The following IL7 variants were observed in gnomAD, a reference collection of about 807,000 sequenced individuals.
IL7 encodes the protein interleukin 7.
Under a neutral mutation model 21.6 loss-of-function variants are expected in IL7, and 3 were observed. The observed-to-expected ratio is 0.14, with a 90% CI of 0.06 to 0.36. IL7 has a LOEUF of 0.36. Ranked by LOEUF, IL7 falls within the 10% of genes least tolerant of loss-of-function variation. The pLI is 1.00. For missense variants in IL7, 175 were observed against 200.2 expected, an observed-to-expected ratio of 0.87 and a Z score of 0.76; for synonymous variants, 62 against 68.1, an observed-to-expected ratio of 0.91 and a Z score of 0.44.
Position 78,733,703 on chromosome 8 carries a change from T to C in IL7, c.*10A>G, listed in dbSNP as rs1366627809. 2.3e-5 allele frequency: 36 copies of C among 1,596,300 alleles called. No individual in the cohort carries two copies. The highest frequency in any genetic ancestry group is 3.1e-5 in the Non-Finnish European group (36 of 1,173,706). On this transcript the variant is annotated 3_prime_UTR_variant, in exon 6 of 6. Transcript: ENST00000263851. Reference sequence around the variant, plus strand: ...AAAGTTCGTGTTTCTATATTGCCACTCCATATTTTTCAGTGTTCTTTAGTG... The same window carrying C: ...AAAGTTCGTGTTTCTATATTGCCACCCCATATTTTTCAGTGTTCTTTAGTG...
At chr8:78,711,910 G>T in intron 3 of IL7, 1 of 849,616 alleles carries the variant, frequency 1.2e-6, no homozygotes, top group Non-Finnish European at 1.7e-6. Flanking sequence ...TGATGAACCA[G>T]AATAATGTCT....
intron 3 of IL7, among the ~76,000 whole-genome samples, chr8:78,693,416 T>G (rs1406073068): frequency 6.6e-6 from 1 of 152,260 alleles, no homozygotes; most frequent in Non-Finnish European, 1.5e-5. Flanking sequence ...TTTTTAATTA[T>G]CGCCATTCTA....
intron 3 of IL7, among the ~76,000 whole-genome samples, chr8:78,711,502 T>G (rs1355336800): frequency 6.6e-6 from 1 of 152,120 alleles, no homozygotes; most frequent in Non-Finnish European, 1.5e-5. Flanking sequence ...ACTTTTTTGT[T>G]AGAAGTCAGT....
At chr8:78,714,802 CA>C (rs1811048482), downstream of IL7, among the ~76,000 whole-genome samples, 1 of 151,996 alleles carries the variant, frequency 6.6e-6, no homozygotes, top group South Asian at 2.1e-4. Flanking sequence ...ATGTGACTAG[CA>C]AAAAAATTCT....
At chr8:78,744,207 G>A (rs925474415) in intron 2 of IL7, among the ~76,000 whole-genome samples, 1 of 152,112 alleles carries the variant, frequency 6.6e-6, no homozygotes, top group African/African-American at 2.4e-5. Context: ...TAGCAGAGAT[G>A]TCAGCCCACC....
At chr8:78,739,237 TTAG>T (rs1457934726) in intron 3 of IL7, among the ~76,000 whole-genome samples, 2 of 152,200 alleles carry the variant, frequency 1.3e-5, no homozygotes, top group African/African-American at 4.8e-5. Context: ...TATAAACTTT[TTAG>T]GTTTTTTAAA....
downstream of IL7, among the ~76,000 whole-genome samples, chr8:78,732,350 T>C (rs1811441330): frequency 6.6e-6 from 1 of 152,082 alleles, no homozygotes; most frequent in African/African-American, 2.4e-5. Flanking sequence ...AAATGTCATA[T>C]GGGTCAAGGA....
At chr8:78,781,011 G>A (rs1384666123) in intron 2 of IL7, among the ~76,000 whole-genome samples, 1 of 151,932 alleles carries the variant, frequency 6.6e-6, no homozygotes, top group Admixed American at 6.6e-5. Flanking sequence ...GATCTTTATT[G>A]GTTTAAAGTC....
chr8:78,791,477 TAA>T (rs577848224), intron 2 of IL7, among the ~76,000 whole-genome samples: 153 of 152,106 alleles, frequency 1.0e-3, no homozygotes, highest in Middle Eastern at 3.4e-3. Context: ...CCATCTCTAC[TAA>T]AAATACAAAA....
intron 2 of IL7, among the ~76,000 whole-genome samples, chr8:78,780,875 T>C (rs188646816): frequency 2.6e-5 from 4 of 152,346 alleles, no homozygotes; most frequent in Admixed American, 2.0e-4. Flanking sequence ...TAAGTCTCTT[T>C]GTATGTCTCT....
intron 3 of IL7, among the ~76,000 whole-genome samples, chr8:78,692,362 A>G (rs764048867): frequency 8.6e-5 from 13 of 152,040 alleles, no homozygotes; most frequent in African/African-American, 1.2e-4. Context: ...TATTATTACT[A>G]TTTTTTAATC....
chr8:78,698,302 T>A (rs1810496086), intron 3 of IL7: 1 of 855,114 alleles, frequency 1.2e-6, no homozygotes, highest in Non-Finnish European at 1.7e-6. Flanking sequence ...CAATGAAAAC[T>A]TGATTTATAG....
chr8:78,708,045 A>C (rs1386709341), intron 3 of IL7, among the ~76,000 whole-genome samples: 1 of 152,132 alleles, frequency 6.6e-6, no homozygotes, highest in Non-Finnish European at 1.5e-5. Context: ...CTGTTAATCT[A>C]TTGGCATGTC....
chr8:78,735,622 T>C (rs1016742784), intron 5 of IL7, among the ~76,000 whole-genome samples: 3 of 152,250 alleles, frequency 2.0e-5, no homozygotes, highest in Non-Finnish European at 4.4e-5. Context: ...TTTTCTAAAC[T>C]TTCCAAATTC....
At chr8:78,716,809 G>A (rs1170949225), downstream of IL7, among the ~76,000 whole-genome samples, 3 of 152,092 alleles carry the variant, frequency 2.0e-5, no homozygotes, top group African/African-American at 7.2e-5. Context: ...GGATCATGGG[G>A]GTGGACTTCC....
At chr8:78,757,028 A>G (rs1001792132) in intron 2 of IL7, among the ~76,000 whole-genome samples, 18 of 151,878 alleles carry the variant, frequency 1.2e-4, no homozygotes, top group African/African-American at 3.9e-4. Flanking sequence ...GGCTATTGCT[A>G]TAACATTCCC....
chr8:78,687,712 A>T (rs1213444739), intron 3 of IL7, among the ~76,000 whole-genome samples: 2 of 78,806 alleles, frequency 2.5e-5, no homozygotes, highest in African/African-American at 4.1e-5. Flanking sequence ...TTATATATAT[A>T]TTTACGTAAT....
intron 2 of IL7, among the ~76,000 whole-genome samples, chr8:78,790,322 A>G (rs1390706022): frequency 6.6e-6 from 1 of 152,172 alleles, no homozygotes; most frequent in African/African-American, 2.4e-5. Flanking sequence ...ATAATTTTTT[A>G]TGGATAAAAA....
intron 4 of IL7, among the ~76,000 whole-genome samples, chr8:78,682,172 C>T (rs1038829817): frequency 2.6e-5 from 4 of 152,040 alleles, no homozygotes; most frequent in African/African-American, 9.7e-5. Flanking sequence ...GCATGTGAGC[C>T]AGCATCATGT....
Sources: allele counts gnomAD v4.1 joint callset (sites outside exome capture counted in the v4.1 genomes callset), GRCh38; gene constraint gnomAD v4.1.1; transcripts MANE v1.5; gene names NCBI Gene and HGNC (gene_info 2026-07-23, HGNC 2026-07-21).